Variants in PTPRD observed in about 807,000 individuals in gnomAD.
PTPRD encodes protein tyrosine phosphatase receptor type D.
In PTPRD, 34 loss-of-function variants were observed where a neutral mutation model predicts 214.5. That is an observed-to-expected ratio of 0.16 (90% CI 0.12 to 0.21). The LOEUF (loss-of-function observed/expected upper bound fraction) is 0.21. Ranked by LOEUF, PTPRD falls within the 10% of genes least tolerant of loss-of-function variation. The probability of loss-of-function intolerance (pLI) is 1.00; values close to 1 mark genes in which losing one functional copy is unlikely to be tolerated. For synonymous variants in PTPRD, 1,128 were observed against 845.7 expected (o/e 1.33, Z -5.79); for missense variants, 2,545 against 2,398.7 (o/e 1.06, Z -1.27).
chr9:8,894,417 A>G (rs1265388631), intron 11 of PTPRD, among the ~76,000 whole-genome samples: 1 of 151,798 alleles, frequency 6.6e-6, no homozygotes, highest in Non-Finnish European at 1.5e-5. Flanking sequence ...CCTTGCAAAT[A>G]TAAGGTTGGG....
At chr9:8,338,260 C>T (rs1012145009) in intron 43 of PTPRD, among the ~76,000 whole-genome samples, 4 of 152,042 alleles carry the variant, frequency 2.6e-5, no homozygotes, top group African/African-American at 7.2e-5. Flanking sequence ...TGGCCAAAGG[C>T]GAAGATATCA....
intron 5 of PTPRD, among the ~76,000 whole-genome samples, chr9:9,774,121 T>A (rs1221044735): frequency 6.6e-6 from 1 of 152,180 alleles, no homozygotes; most frequent in African/African-American, 2.4e-5. Flanking sequence ...CTGACAATGC[T>A]AAGGATATCG....
chr9:9,957,429 TAAAC>T (rs767920864), intron 4 of PTPRD, among the ~76,000 whole-genome samples: 57 of 151,906 alleles, frequency 3.8e-4, no homozygotes, highest in South Asian at 1.5e-3. Context: ...AAAAAACAGA[TAAAC>T]AAGGTAAAAT....
intron 11 of PTPRD, among the ~76,000 whole-genome samples, chr9:8,749,986 C>G (rs183113374): frequency 1.3e-5 from 2 of 151,698 alleles, no homozygotes; most frequent in East Asian, 4.0e-4. Context: ...GCCTGTAGTC[C>G]CAGCTCCTCG....
At chr9:8,731,081 G>C (rs1390075787) in intron 12 of PTPRD, among the ~76,000 whole-genome samples, 1 of 152,170 alleles carries the variant, frequency 6.6e-6, no homozygotes, top group Non-Finnish European at 1.5e-5. Context: ...TCCAACCTAG[G>C]TTTGAACCAA....
chr9:9,100,522 G>A (rs1045449949), intron 10 of PTPRD, among the ~76,000 whole-genome samples: 1 of 152,120 alleles, frequency 6.6e-6, no homozygotes, highest in South Asian at 2.1e-4. Context: ...AGACAATTCT[G>A]TTGGTATGAT....
At chr9:8,843,973 T>C (rs942235555) in intron 11 of PTPRD, among the ~76,000 whole-genome samples, 3 of 152,164 alleles carry the variant, frequency 2.0e-5, no homozygotes, top group African/African-American at 2.4e-5. Context: ...AAATTTCTAA[T>C]TGGTATCTGA....
chr9:10,097,697 G>C (rs1372657140), intron 3 of PTPRD, among the ~76,000 whole-genome samples: 1 of 151,748 alleles, frequency 6.6e-6, no homozygotes, highest in Non-Finnish European at 1.5e-5. Flanking sequence ...GGGACAATTT[G>C]ACTTCCTCTT....
rs1417240029 is a variant in PTPRD at position 8,929,843 on chromosome 9, G to GTGTATATATGTATATATGTGTATATA, written c.-104+88853_-104+88854insTATATACACATATATACATATATACA. ...TGTGTATATATATGTGTATATATAT[G>GTGTATATATGTATATATGTGTATATA]TGTGTATATATATGTGTATATACAT... is the stretch of plus-strand genomic sequence containing the variant. On this transcript the variant is annotated intron_variant, in intron 11 of 45. Coordinates refer to ENST00000381196, the MANE Select transcript of PTPRD (RefSeq NM_002839.4). 4.5e-4 allele frequency among the ~76,000 whole-genome samples: 21 copies of GTGTATATATGTATATATGTGTATATA among 46,262 alleles called. 3 individuals carry two copies. Among genetic ancestry groups the GTGTATATATGTATATATGTGTATATA allele is most frequent in the East Asian group, 3.7e-3 (8 of 2,172 alleles). 30.3% of individuals were successfully genotyped at this position (46,262 alleles called of 152,430 possible).
intron 3 of PTPRD, among the ~76,000 whole-genome samples, chr9:10,256,619 C>T (rs1304095211): frequency 1.3e-5 from 2 of 152,104 alleles, no homozygotes; most frequent in Admixed American, 6.6e-5. Flanking sequence ...CACTTTGTGT[C>T]AATGATTTGA....
At chr9:9,415,516 C>A (rs1428023993) in intron 8 of PTPRD, among the ~76,000 whole-genome samples, 3 of 151,890 alleles carry the variant, frequency 2.0e-5, no homozygotes, top group African/African-American at 7.3e-5. Flanking sequence ...TTTAAAAAAC[C>A]CTCTCTAATG....
intron 31 of PTPRD, among the ~76,000 whole-genome samples, chr9:8,469,726 T>C (rs1251289289): frequency 2.6e-5 from 4 of 152,056 alleles, no homozygotes; most frequent in African/African-American, 9.7e-5. Flanking sequence ...TGAAATAATG[T>C]CTCATTTTAC....
chr9:9,312,334 C>T (rs944614810), intron 9 of PTPRD, among the ~76,000 whole-genome samples: 1 of 152,094 alleles, frequency 6.6e-6, no homozygotes, highest in African/African-American at 2.4e-5. Flanking sequence ...TAAGAAAATT[C>T]TATATTACAG....
At chr9:8,584,026 T>C (rs1214593624) in intron 14 of PTPRD, among the ~76,000 whole-genome samples, 1 of 152,100 alleles carries the variant, frequency 6.6e-6, no homozygotes, top group African/African-American at 2.4e-5. Context: ...TGGTGGTGTG[T>C]ACTTGTAGTC....
rs1237998566 is a variant in PTPRD at position 8,341,715 on chromosome 9, G to A, written c.4925C>T (p.Thr1642Ile). 3 of 1,613,264 alleles carry A rather than the reference G, an allele frequency of 1.9e-6. No homozygotes were observed. The highest frequency in any genetic ancestry group is 1.3e-5 in the African/African-American group (1 of 74,826). ...LTQIETGENV[T>I]GMELEFKRLA... ...TACCTTAAATTCGAGCTCCATTCCT[G>A]TGACATTCTCTCCCGTTTCTATTTG... Residue 1642 changes from threonine to isoleucine, a missense_variant, in exon 40 of 46, where the codon ACA (threonine) becomes ATA (isoleucine). Physicochemically the swap from Thr to Ile is moderately conservative, Grantham distance 89. Coordinates refer to ENST00000381196, the MANE Select transcript of PTPRD (RefSeq NM_002839.4).
intron 5 of PTPRD, among the ~76,000 whole-genome samples, chr9:9,911,299 C>A (rs1246255434): frequency 6.6e-6 from 1 of 151,996 alleles, no homozygotes; most frequent in Non-Finnish European, 1.5e-5. Context: ...TAGCTAAATG[C>A]AAGAACTCTT....
chr9:10,525,783 G>A (rs1481081805), intron 2 of PTPRD, among the ~76,000 whole-genome samples: 1 of 144,910 alleles, frequency 6.9e-6, no homozygotes, highest in Non-Finnish European at 1.5e-5. Flanking sequence ...CTGATACATT[G>A]AAGAATCCAT....
intron 39 of PTPRD, among the ~76,000 whole-genome samples, chr9:8,347,059 C>CT (rs535603754): frequency 1.5e-3 from 225 of 152,108 alleles, no homozygotes; most frequent in African/African-American, 5.2e-3. Context: ...CAGGCATCCA[C>CT]TGGGGATGTT....
chr9:8,735,065 T>C (rs1265663692), intron 11 of PTPRD, among the ~76,000 whole-genome samples: 1 of 151,812 alleles, frequency 6.6e-6, no homozygotes, highest in African/African-American at 2.4e-5. Flanking sequence ...GATGCGTGAG[T>C]ACTACCATCA....
Sources: gnomAD v4.1 joint callset for allele counts (sites outside exome capture counted in the v4.1 genomes callset) on GRCh38, gnomAD v4.1.1 for gene constraint, MANE v1.5 for transcripts, NCBI Gene and HGNC (gene_info 2026-07-23, HGNC 2026-07-21) for gene names.